Variants in PPM1H observed in about 807,000 individuals in gnomAD.
PPM1H encodes protein phosphatase, Mg2+/Mn2+ dependent 1H.
PPM1H carries 27 observed loss-of-function variants against 54.9 expected under a neutral mutation model. The observed-to-expected ratio is 0.49, with a 90% CI of 0.36 to 0.68. PPM1H has a LOEUF of 0.68. PPM1H is among the 30% of genes least tolerant of loss of function. PPM1H has a pLI of 0.00. For synonymous variants in PPM1H, 305 were observed against 270.8 expected (o/e 1.13, Z -1.24); for missense variants, 596 against 667.8 (o/e 0.89, Z 1.19).
chr12:62,915,291 T>C (rs933506926), intron 1 of PPM1H, among the ~76,000 whole-genome samples: 2 of 152,190 alleles, frequency 1.3e-5, no homozygotes, highest in Admixed American at 6.5e-5. Flanking sequence ...TTTCTTGGCA[T>C]ATGTGGTGAG....
intron 1 of PPM1H, among the ~76,000 whole-genome samples, chr12:62,871,499 C>T (rs1481497019): frequency 6.7e-6 from 1 of 148,876 alleles, no homozygotes; most frequent in Non-Finnish European, 1.5e-5. Flanking sequence ...TGAAAACCAC[C>T]GAACTGTGGT....
intron 5 of PPM1H, among the ~76,000 whole-genome samples, chr12:62,731,813 T>G (rs555253625): frequency 6.6e-6 from 1 of 152,152 alleles, no homozygotes; most frequent in Non-Finnish European, 1.5e-5. Context: ...ACCGGCAGAA[T>G]GGAGGGAAAA....
At chr12:62,713,925 G>A (rs1280088327) in intron 6 of PPM1H, among the ~76,000 whole-genome samples, 3 of 152,142 alleles carry the variant, frequency 2.0e-5, no homozygotes, top group Middle Eastern at 3.4e-3. Flanking sequence ...CCATGGTCAT[G>A]TGACCGCCTT....
intron 4 of PPM1H, among the ~76,000 whole-genome samples, chr12:62,763,382 T>TGTG (rs2076521985): frequency 6.6e-6 from 1 of 152,126 alleles, no homozygotes; most frequent in African/African-American, 2.4e-5. Flanking sequence ...GAGCACCAAA[T>TGTG]CCAGATAGGG....
intron 6 of PPM1H, among the ~76,000 whole-genome samples, chr12:62,716,935 G>A (rs1270516455): frequency 1.3e-5 from 2 of 152,072 alleles, no homozygotes; most frequent in Non-Finnish European, 2.9e-5. Flanking sequence ...AGTGCTTTAC[G>A]TAGGCAGTAG....
At chr12:62,791,962 T>C (rs1211984876) in intron 3 of PPM1H, among the ~76,000 whole-genome samples, 1 of 152,208 alleles carries the variant, frequency 6.6e-6, no homozygotes, top group Non-Finnish European at 1.5e-5. Flanking sequence ...GCTTGTATAC[T>C]GTCTATAGAC....
At chr12:62,734,650 T>A (rs957547437) in intron 5 of PPM1H, among the ~76,000 whole-genome samples, 4 of 152,212 alleles carry the variant, frequency 2.6e-5, no homozygotes, top group African/African-American at 9.6e-5. Flanking sequence ...CATGAAAAGA[T>A]GAAATCATTT....
intron 1 of PPM1H, among the ~76,000 whole-genome samples, chr12:62,907,704 C>T (rs1052404272): frequency 2.6e-5 from 4 of 152,158 alleles, no homozygotes. Flanking sequence ...AGAATTTAAA[C>T]GTGTACCTGT....
In PPM1H at chr12:62,827,700, G is replaced by T. The variant is rs140545117; in HGVS notation, c.411+4414C>A. 3.0e-3 allele frequency among the ~76,000 whole-genome samples: 452 copies of T among 152,136 alleles called. 2 individuals carry two copies. The highest frequency in any genetic ancestry group is 0.01 in the African/African-American group (428 of 41,500). On this transcript the variant is annotated intron_variant, in intron 2 of 9. Transcript: ENST00000228705. ...TTGCCTATACATGTTCCTTCTATAA[G>T]AAACCCCCATTTCTTTTGTTAGCTC...
At position 62,900,592 on chromosome 12, in the gene PPM1H, A is replaced by C. The variant is rs143763053; in HGVS notation, c.245+33900T>G. Among the ~76,000 whole-genome samples, 24 of 150,122 alleles carry C rather than the reference A, an allele frequency of 1.6e-4. No homozygotes were observed. The East Asian group carries it at 4.4e-3, about 28-fold the overall frequency. ...AAGAAGAAATGGGAATTTGCTTACC[A>C]GTAGTTAAAAAAAAAAAAAAGGAAA... On this transcript the variant is annotated intron_variant, in intron 1 of 9. Transcript: ENST00000228705.
intron 5 of PPM1H, among the ~76,000 whole-genome samples, chr12:62,736,205 G>A (rs2120521377): frequency 6.6e-6 from 1 of 152,308 alleles, no homozygotes; most frequent in South Asian, 2.1e-4. Context: ...GAGGCCCTTG[G>A]TGGCCCTATC....
chr12:62,729,752 G>A (rs550147882), intron 5 of PPM1H, among the ~76,000 whole-genome samples: 2 of 152,188 alleles, frequency 1.3e-5, no homozygotes, highest in East Asian at 1.9e-4. Flanking sequence ...TTAAGTCTGC[G>A]AAATTCATCC....
chr12:62,659,201 G>T, intron 9 of PPM1H: 1 of 683,246 alleles, frequency 1.5e-6, no homozygotes, highest in East Asian at 2.7e-5. Flanking sequence ...CCAATGCCAG[G>T]CTGTGCAGCG....
intron 1 of PPM1H, among the ~76,000 whole-genome samples, chr12:62,908,304 G>C (rs546162571): frequency 6.6e-6 from 1 of 151,602 alleles, no homozygotes; most frequent in Admixed American, 6.6e-5. Context: ...CTACTTAGGA[G>C]GCTGAGGCAG....
chr12:62,651,801 C>T (rs2075818094), intron 9 of PPM1H, among the ~76,000 whole-genome samples: 1 of 152,182 alleles, frequency 6.6e-6, no homozygotes, highest in Non-Finnish European at 1.5e-5. Context: ...AAGCTTGATC[C>T]AAGGGTGGCT....
In PPM1H at chr12:62,851,961, C is replaced by T. The variant is rs146608082; in HGVS notation, c.246-19682G>A. Among the ~76,000 whole-genome samples the T allele has an allele frequency of 9.2e-3, 1,380 of 149,894 alleles. 25 individuals carry two copies. The highest frequency in any genetic ancestry group is 0.02 in the Middle Eastern group (5 of 256). On this transcript the variant is annotated intron_variant, in intron 1 of 9. Coordinates refer to ENST00000228705, the MANE Select transcript of PPM1H (RefSeq NM_020700.2). ...GATGGGGCTTTTGGATGGCCGGGCGCGGTGGCTCACGCCTGTAATCCCAGC... is the reference window on the plus strand; with the variant it reads ...GATGGGGCTTTTGGATGGCCGGGCGTGGTGGCTCACGCCTGTAATCCCAGC...
At chr12:62,822,520 G>C (rs1277316027) in intron 2 of PPM1H, among the ~76,000 whole-genome samples, 1 of 152,108 alleles carries the variant, frequency 6.6e-6, no homozygotes, top group South Asian at 2.1e-4. Flanking sequence ...AAATGTAAAA[G>C]AACAGAAATC....
At position 62,647,979 on chromosome 12, in the gene PPM1H, A is replaced by G. The variant is rs2075795529; in HGVS notation, c.*510T>C. ...AAGAATAGAAACAGAGAAGAAAAAA[A>G]GAGAAGGGGGGCGGGGGGCAGACGG... On this transcript the variant is annotated 3_prime_UTR_variant, in exon 10 of 10. Transcript: ENST00000228705. 6.6e-6 allele frequency: 1 copy of G among 152,312 alleles called. No individual in the cohort carries two copies. Among genetic ancestry groups the G allele is most frequent in the South Asian group, 2.1e-4 (1 of 4,792 alleles). The allele number at this position is 152,312 out of a possible 1,614,324, so 9.4% of individuals were successfully genotyped here. A position where few individuals can be genotyped will look rare whatever the true frequency, so the allele number is the denominator to read the frequency against.
At chr12:62,829,875 A>C (rs1403084579) in intron 2 of PPM1H, among the ~76,000 whole-genome samples, 2 of 152,258 alleles carry the variant, frequency 1.3e-5, no homozygotes, top group Non-Finnish European at 2.9e-5. Context: ...TACAGAGATC[A>C]CTTTATATCC....
Sources: gnomAD v4.1 joint callset for allele counts (sites outside exome capture counted in the v4.1 genomes callset) on GRCh38, gnomAD v4.1.1 for gene constraint, MANE v1.5 for transcripts, NCBI Gene and HGNC (gene_info 2026-07-23, HGNC 2026-07-21) for gene names.